Variants in ANKRD33B observed in about 807,000 individuals in gnomAD.
ANKRD33B encodes the protein ankyrin repeat domain-containing protein 33B.
In ANKRD33B, 6 loss-of-function variants were observed where a neutral mutation model predicts 21.5. The ratio of observed to expected loss-of-function variants is 0.28; its 90% CI spans 0.15 to 0.55. The LOEUF is 0.55. ANKRD33B is among the 20% of genes least tolerant of loss of function. The pLI is 0.94. For missense variants in ANKRD33B, 698 were observed against 747.2 expected (o/e 0.93, Z 0.77); for synonymous variants, 347 against 342.4 (o/e 1.01, Z -0.15).
chr5:10,623,938 A>C (rs1319423780), intron 2 of ANKRD33B, among the ~76,000 whole-genome samples: 1 of 152,160 alleles, frequency 6.6e-6, no homozygotes, highest in African/African-American at 2.4e-5. Context: ...ACCCCACATG[A>C]GCAAGGAAAT....
chr5:10,648,057 A>G (rs1010976917), intron 3 of ANKRD33B, among the ~76,000 whole-genome samples: 1 of 152,226 alleles, frequency 6.6e-6, no homozygotes, highest in Non-Finnish European at 1.5e-5. Context: ...AGGACACCCA[A>G]GTCTTAGACC....
At position 10,649,388 on chromosome 5, in the gene ANKRD33B, C is replaced by T; in HGVS notation, c.760C>T (p.Gln254Ter). The change falls in exon 4 of 4, where the codon CAG becomes TAG. Residue 254 changes from glutamine to a stop codon, truncating the protein, a stop_gained. Coordinates refer to ENST00000296657, the MANE Select transcript of ANKRD33B (RefSeq NM_001164440.2). LOFTEE classifies it low-confidence loss of function (END_TRUNC). Reference sequence around the variant, plus strand: ...GCTGCTGGAGCGCCCCTGCCCGGAGCAGTTCTGGGAGAAGTACCGGCCCGA... The same window carrying T: ...GCTGCTGGAGCGCCCCTGCCCGGAGTAGTTCTGGGAGAAGTACCGGCCCGA... Reference protein sequence around the residue: ...QRLLERPCPEQFWEKYRPELP... With the variant: ...QRLLERPCPE The T allele has an allele frequency of 6.5e-7, 1 of 1,535,546 alleles. No homozygotes were observed. The highest frequency in any genetic ancestry group is 8.7e-7 in the Non-Finnish European group (1 of 1,146,690).
chr5:10,628,388 G>C (rs928547927), intron 2 of ANKRD33B, among the ~76,000 whole-genome samples: 4 of 152,108 alleles, frequency 2.6e-5, no homozygotes, highest in African/African-American at 9.7e-5. Flanking sequence ...CACCATGTTG[G>C]CCAGGCTGGT....
At chr5:10,627,611 T>G (rs1031870736) in intron 2 of ANKRD33B, 2 of 152,264 alleles carry the variant, frequency 1.3e-5, no homozygotes, top group African/African-American at 4.8e-5. Flanking sequence ...AATTTATGAC[T>G]TGGTCAGAAC....
At chr5:10,625,601 A>G (rs1273754203) in intron 2 of ANKRD33B, among the ~76,000 whole-genome samples, 1 of 152,192 alleles carries the variant, frequency 6.6e-6, no homozygotes, top group African/African-American at 2.4e-5. Context: ...CAAGACTTCA[A>G]ATTTGAGAGG....
At position 10,619,710 on chromosome 5, in the gene ANKRD33B, A is replaced by T. The variant is rs1015905479; in HGVS notation, c.496+1248A>T. Among the ~76,000 whole-genome samples the T allele has an allele frequency of 2.0e-5, 3 of 152,190 alleles. No homozygotes were observed. Among genetic ancestry groups the T allele is most frequent in the African/African-American group, 7.2e-5 (3 of 41,448 alleles). On this transcript the variant is annotated intron_variant, in intron 2 of 3. Transcript: ENST00000296657. The surrounding 1 kb of genome is among the most constrained non-coding windows in gnomAD (Gnocchi z 4.5). Reference sequence around the variant, plus strand: ...GGTTCCAGGCTTTGAAAACCTAGCAAGAGTGTGAAAGGGCTTTGTAAGGCA... The same window carrying T: ...GGTTCCAGGCTTTGAAAACCTAGCATGAGTGTGAAAGGGCTTTGTAAGGCA...
At chr5:10,637,963 C>G (rs1736910807) in intron 2 of ANKRD33B, 65 bp from the exon 3 acceptor site, 2 of 1,502,862 alleles carry the variant, frequency 1.3e-6, no homozygotes, top group Admixed American at 4.0e-5. Context: ...TCTAGGAAGG[C>G]CTGGCTGGAA....
chr5:10,649,901 C>T lies in ANKRD33B; in HGVS notation c.1273C>T (p.Arg425Trp), dbSNP rs545489528. ...CGTGCGGCCCGGTGTGGTGGTGCCC[C>T]GGGTCCGAGTCAGCAAGGCGCCCGC... Reference protein sequence around the residue: ...RSVRPGVVVPRVRVSKAPAPT... With the variant: ...RSVRPGVVVPWVRVSKAPAPT... Residue 425 changes from arginine (R) to tryptophan (W), a missense_variant, in exon 4 of 4, where the codon CGG (arginine) becomes TGG (tryptophan). By Grantham distance (101) the Arg-to-Trp change is moderately radical (BLOSUM62 -3). This residue lies in a region of ANKRD33B where 543 missense variants were observed against 566.5 expected (regional missense o/e 0.96). Transcript: ENST00000296657. 4 of 1,515,148 alleles carry T rather than the reference C, an allele frequency of 2.6e-6. No homozygotes were observed. The highest frequency in any genetic ancestry group is 1.8e-6 in the Non-Finnish European group (2 of 1,137,486). 93.9% of individuals were successfully genotyped at this position (1,515,148 alleles called of 1,614,324 possible). A position where few individuals can be genotyped will look rare whatever the true frequency, so the allele number is the denominator to read the frequency against.
intron 1 of ANKRD33B, among the ~76,000 whole-genome samples, chr5:10,582,110 C>T (rs957424476): frequency 1.3e-5 from 2 of 152,210 alleles, no homozygotes; most frequent in African/African-American, 2.4e-5. Context: ...CCAGCATCTC[C>T]TTCTTAACGT....
intron 1 of ANKRD33B, among the ~76,000 whole-genome samples, chr5:10,572,220 T>G (rs1379108856): frequency 6.6e-6 from 1 of 151,856 alleles, no homozygotes; most frequent in Non-Finnish European, 1.5e-5. Context: ...ACTCCCAGAG[T>G]CATTTCAATG....
chr5:10,617,966 C>T (rs1281865772), intron 1 of ANKRD33B, among the ~76,000 whole-genome samples: 2 of 152,228 alleles, frequency 1.3e-5, no homozygotes, highest in Admixed American at 6.5e-5. Context: ...TAGAGAGCTG[C>T]ACCCGCCCTG....
rs370538666 is a variant in ANKRD33B, at chr5:10,608,073, G to A, written c.367-10260G>A. ...ATCAAGAATAGCAACAGCAGGCTGAGTACGGGGGCTCACGCCTATATTCCT... is the reference window on the plus strand; with the variant it reads ...ATCAAGAATAGCAACAGCAGGCTGAATACGGGGGCTCACGCCTATATTCCT... On this transcript the variant is annotated intron_variant, in intron 1 of 3. Coordinates refer to ENST00000296657, the MANE Select transcript of ANKRD33B (RefSeq NM_001164440.2). 3.3e-5 allele frequency among the ~76,000 whole-genome samples: 5 copies of A among 152,178 alleles called. No individual in the cohort carries two copies. The East Asian group carries it at 9.6e-4, about 29-fold the overall frequency.
chr5:10,648,697 TGC>T (rs1401038850), intron 3 of ANKRD33B, among the ~76,000 whole-genome samples: 1 of 151,948 alleles, frequency 6.6e-6, no homozygotes, highest in African/African-American at 2.4e-5. Context: ...AGGCAGAGGT[TGC>T]GGTGAACGGA....
intron 1 of ANKRD33B, among the ~76,000 whole-genome samples, chr5:10,611,599 T>TGAA (rs1176735478): frequency 6.6e-6 from 1 of 152,212 alleles, no homozygotes; most frequent in Non-Finnish European, 1.5e-5. Flanking sequence ...GATTGACCCT[T>TGAA]GGGTCCTGCC....
intron 1 of ANKRD33B, among the ~76,000 whole-genome samples, chr5:10,579,267 T>C (rs1295171779): frequency 6.6e-6 from 1 of 151,600 alleles, no homozygotes; most frequent in Non-Finnish European, 1.5e-5. Flanking sequence ...ATCATTCTTA[T>C]GGATTGGTTT....
chr5:10,642,985 A>G (rs1737100107), intron 3 of ANKRD33B, among the ~76,000 whole-genome samples: 1 of 152,004 alleles, frequency 6.6e-6, no homozygotes, highest in Non-Finnish European at 1.5e-5. Context: ...GTTCACTGCA[A>G]TCTCTGCCTC....
chr5:10,609,326 G>T (rs571248994), intron 1 of ANKRD33B, among the ~76,000 whole-genome samples: 1 of 152,158 alleles, frequency 6.6e-6, no homozygotes, highest in African/African-American at 2.4e-5. Flanking sequence ...GCAGAGGTGC[G>T]CAGATCACTT....
Position 10,657,675 on chromosome 5 carries a change from A to G in ANKRD33B, c.*7562A>G, listed in dbSNP as rs972636390. On this transcript the variant is annotated 3_prime_UTR_variant, in exon 4 of 4. Transcript: ENST00000296657. ...TAATCTTTAAGCTAAATATAATGTGATATGATTCAGAAAAAAATGTTTTTC... is the reference window on the plus strand; with the variant it reads ...TAATCTTTAAGCTAAATATAATGTGGTATGATTCAGAAAAAAATGTTTTTC... The G allele has an allele frequency of 7.9e-5, 12 of 152,378 alleles. No individual in the cohort carries two copies. Among genetic ancestry groups the G allele is most frequent in the African/African-American group, 2.7e-4 (11 of 41,458 alleles). 9.4% of individuals were successfully genotyped at this position (152,378 alleles called of 1,614,324 possible).
chr5:10,631,171 G>A (rs1676440196), intron 2 of ANKRD33B, among the ~76,000 whole-genome samples: 1 of 152,220 alleles, frequency 6.6e-6, no homozygotes, highest in African/African-American at 2.4e-5. Context: ...AGTTTGGATG[G>A]CTGGCCTCAG....
Sources: gnomAD v4.1 joint callset for allele counts (sites outside exome capture counted in the v4.1 genomes callset) on GRCh38, gnomAD v4.1.1 for gene constraint, gnomAD v4.1.1 regional missense constraint, Gnocchi (gnomAD v3.1) non-coding constraint, MANE v1.5 for transcripts, NCBI Gene and HGNC (gene_info 2026-07-23, HGNC 2026-07-21) for gene names.